The following DDX60 variants were observed in gnomAD, a reference collection of about 807,000 sequenced individuals.
DDX60 encodes DExD/H-box helicase 60.
In DDX60, 165 loss-of-function variants were observed where a neutral mutation model predicts 212.8. The observed-to-expected ratio is 0.78, with a 90% confidence interval of 0.68 to 0.88. The LOEUF is 0.88. DDX60 is among the 40% of genes least tolerant of loss of function. The pLI is 0.00. For missense variants in DDX60, 1,905 were observed against 2,003.9 expected (o/e 0.95, Z 0.94); for synonymous variants, 703 against 685.3 (o/e 1.03, Z -0.40).
intron 25 of DDX60, 129 bp from the exon 26 acceptor site, chr4:168,255,998 C>T (rs1007291249): frequency 3.9e-5 from 36 of 920,758 alleles, no homozygotes; most frequent in Non-Finnish European, 5.4e-5. Flanking sequence ...ATAAATGTTA[C>T]CCAGAATGTG....
chr4:168,219,788 G>A (rs1333993817), intron 37 of DDX60, among the ~76,000 whole-genome samples: 1 of 152,156 alleles, frequency 6.6e-6, no homozygotes, highest in African/African-American at 2.4e-5. Flanking sequence ...TGTAACCGCA[G>A]CACTTTGGGA....
chr4:168,288,413 T>C (rs1320668504), intron 8 of DDX60, 98 bp from the exon 9 acceptor site: 11 of 822,702 alleles, frequency 1.3e-5, no homozygotes, highest in Non-Finnish European at 2.0e-5. Context: ...GTGGGCAGGA[T>C]CATTCCAATC....
intron 28 of DDX60, among the ~76,000 whole-genome samples, chr4:168,249,283 T>C (rs547020001): frequency 2.5e-4 from 38 of 152,326 alleles, no homozygotes; most frequent in African/African-American, 8.4e-4. Context: ...AAAGTTTACT[T>C]AGATAATCCT....
At chr4:168,270,599 C>T (rs594261) in intron 19 of DDX60, among the ~76,000 whole-genome samples, 11,272 of 152,198 alleles carry the variant, frequency 0.074, 747 homozygotes, top group African/African-American at 0.16. Flanking sequence ...CTAGATTGCA[C>T]AGACAAAGTT....
the DDX60 span, among the ~76,000 whole-genome samples, chr4:168,325,339 T>G: frequency 6.6e-6 from 1 of 152,238 alleles, no homozygotes; most frequent in Non-Finnish European, 1.5e-5. Flanking sequence ...GATAATTGCA[T>G]GCTTTCTTAA....
chr4:168,316,800 A>G (rs1560887985), intron 1 of DDX60, among the ~76,000 whole-genome samples: 1 of 152,084 alleles, frequency 6.6e-6, no homozygotes, highest in Non-Finnish European at 1.5e-5. Flanking sequence ...CCAAAAAAAA[A>G]AGAAACCCAA....
intron 3 of DDX60, among the ~76,000 whole-genome samples, chr4:168,308,985 C>T (rs1299302346): frequency 6.6e-6 from 1 of 152,072 alleles, no homozygotes; most frequent in Non-Finnish European, 1.5e-5. Flanking sequence ...TAAACTTATG[C>T]ACGCACTTAT....
chr4:168,244,901 CAGAAAAGT>C (rs951067976), intron 30 of DDX60, among the ~76,000 whole-genome samples: 45 of 151,828 alleles, frequency 3.0e-4, no homozygotes, highest in African/African-American at 1.0e-3. Flanking sequence ...CAATGAAAAA[CAGAAAAGT>C]GGGTTTCAAT....
chr4:168,222,666 C>A (rs1034909381), intron 35 of DDX60, among the ~76,000 whole-genome samples: 1 of 152,058 alleles, frequency 6.6e-6, no homozygotes, highest in Non-Finnish European at 1.5e-5. Flanking sequence ...TTCACTCCTG[C>A]TGAGACTTGT....
intron 18 of DDX60, 30 bp from the exon 19 acceptor site, chr4:168,272,168 AT>A: frequency 6.6e-7 from 1 of 1,518,048 alleles, no homozygotes; most frequent in Non-Finnish European, 9.0e-7. Context: ...GTGAAGTAAC[AT>A]TTTGAGCACT....
intron 8 of DDX60, 65 bp from the exon 9 acceptor site, chr4:168,288,380 A>G: frequency 8.6e-7 from 1 of 1,167,502 alleles, no homozygotes; most frequent in Non-Finnish European, 1.2e-6. Flanking sequence ...TATAGGGTTC[A>G]TATGCTTCTG....
chr4:168,266,304 G>T (rs1162483916), intron 22 of DDX60, among the ~76,000 whole-genome samples: 2 of 152,118 alleles, frequency 1.3e-5, no homozygotes, highest in Non-Finnish European at 2.9e-5. Context: ...GCTCAATTTA[G>T]GTTAGCTGTT....
intron 33 of DDX60, among the ~76,000 whole-genome samples, chr4:168,231,635 C>A (rs1286127305): frequency 1.3e-5 from 2 of 151,854 alleles, no homozygotes; most frequent in Non-Finnish European, 2.9e-5. Flanking sequence ...TAAATAGATG[C>A]AGAAAAAGCA....
chr4:168,307,519 C>T (rs1384921952), intron 4 of DDX60, among the ~76,000 whole-genome samples: 1 of 152,098 alleles, frequency 6.6e-6, no homozygotes, highest in Non-Finnish European at 1.5e-5. Flanking sequence ...TCATGGCTCA[C>T]TGCAGTGTCA....
chr4:168,220,398 G>A (rs903031143), intron 37 of DDX60, among the ~76,000 whole-genome samples: 8 of 152,116 alleles, frequency 5.3e-5, no homozygotes, highest in Admixed American at 3.9e-4. Flanking sequence ...GCCTGTCAGT[G>A]CATGATGCCT....
chr4:168,275,855 A>G (rs1421843374), intron 15 of DDX60, among the ~76,000 whole-genome samples, 160 bp downstream of exon 15: 4 of 152,000 alleles, frequency 2.6e-5, no homozygotes, highest in Non-Finnish European at 2.9e-5. Context: ...AAATTTTCTC[A>G]TTATGTATTA....
At chr4:168,262,607 C>A in intron 23 of DDX60, 76 bp downstream of exon 23, 1 of 920,766 alleles carries the variant, frequency 1.1e-6, no homozygotes, top group South Asian at 1.7e-5. Flanking sequence ...GATTAGATGC[C>A]AGTGATTAGA....
intron 37 of DDX60, among the ~76,000 whole-genome samples, chr4:168,219,607 C>A (rs1732978661): frequency 6.6e-6 from 1 of 152,010 alleles, no homozygotes; most frequent in African/African-American, 2.4e-5. Flanking sequence ...TGCTCAGATC[C>A]AAGATATAAA....
intron 23 of DDX60, among the ~76,000 whole-genome samples, chr4:168,262,349 G>A (rs556321297): frequency 3.7e-4 from 56 of 151,776 alleles, no homozygotes; most frequent in African/African-American, 1.2e-3. Flanking sequence ...AAAACAAACA[G>A]CAATTGGGAC....
Sources: allele counts gnomAD v4.1 joint callset (sites outside exome capture counted in the v4.1 genomes callset), GRCh38; gene constraint gnomAD v4.1.1; transcripts MANE v1.5; gene names NCBI Gene and HGNC (gene_info 2026-07-23, HGNC 2026-07-21).